Variants in NRXN1 observed in about 807,000 individuals in gnomAD.
NRXN1 encodes neurexin-1.
NRXN1 carries 39 observed loss-of-function variants against 150.9 expected under a neutral mutation model. The observed-to-expected ratio is 0.26, with a 90% CI of 0.20 to 0.34. The LOEUF (loss-of-function observed/expected upper bound fraction) is 0.34. NRXN1 is among the 10% of genes least tolerant of loss of function. The pLI is 1.00. For synonymous variants in NRXN1, 924 were observed against 757.0 expected, an observed-to-expected ratio of 1.22 and a Z score of -3.62; for missense variants, 1,815 against 1,949.9, an observed-to-expected ratio of 0.93 and a Z score of 1.30.
At chr2:50,270,327 C>T (rs1454124572) in intron 17 of NRXN1, among the ~76,000 whole-genome samples, 2 of 152,046 alleles carry the variant, frequency 1.3e-5, no homozygotes, top group African/African-American at 4.8e-5. Context: ...ACATATGAAA[C>T]TTTAATAATT....
At chr2:50,968,965 A>G (rs929061728) in intron 2 of NRXN1, among the ~76,000 whole-genome samples, 1 of 152,154 alleles carries the variant, frequency 6.6e-6, no homozygotes. Flanking sequence ...CTATTTGTCT[A>G]CTTCTACTGA....
At chr2:50,678,760 T>G (rs1049983290) in intron 5 of NRXN1, among the ~76,000 whole-genome samples, 2 of 152,072 alleles carry the variant, frequency 1.3e-5, no homozygotes, top group Non-Finnish European at 2.9e-5. Flanking sequence ...GGACTGTATA[T>G]GTATGAGATG....
chr2:51,010,809 T>C (rs62143020), intron 2 of NRXN1, among the ~76,000 whole-genome samples: 3 of 149,110 alleles, frequency 2.0e-5, no homozygotes, highest in African/African-American at 7.6e-5. Flanking sequence ...TTTTTTTTTT[T>C]GGTCTTGCTT....
At chr2:50,883,634 T>C (rs1679788777) in intron 5 of NRXN1, among the ~76,000 whole-genome samples, 1 of 151,806 alleles carries the variant, frequency 6.6e-6, no homozygotes, top group African/African-American at 2.4e-5. Flanking sequence ...TGGGACACTA[T>C]AGGACTTACA....
intron 8 of NRXN1, among the ~76,000 whole-genome samples, chr2:50,583,067 T>A (rs937112253): frequency 6.6e-6 from 1 of 152,076 alleles, no homozygotes; most frequent in Non-Finnish European, 1.5e-5. Flanking sequence ...TTTTTTCTTT[T>A]AGAGACAAGT....
intron 5 of NRXN1, among the ~76,000 whole-genome samples, chr2:50,663,564 G>C (rs780649279): frequency 6.6e-6 from 1 of 151,962 alleles, no homozygotes; most frequent in African/African-American, 2.4e-5. Flanking sequence ...ACACATGTTT[G>C]GCATTGTACT....
intron 5 of NRXN1, among the ~76,000 whole-genome samples, chr2:50,908,343 A>G (rs1282436258): frequency 7.0e-6 from 1 of 143,032 alleles, no homozygotes; most frequent in East Asian, 2.0e-4. Context: ...TGACAAAAAT[A>G]CATACACACA....
At position 50,236,930 on chromosome 2, in the gene NRXN1, G is replaced by C. The variant is rs759609207; in HGVS notation, c.3405C>G (p.Ile1135Met). 3 of 1,613,336 alleles carry C rather than the reference G, an allele frequency of 1.9e-6. No homozygotes were observed. The highest frequency in any genetic ancestry group is 2.5e-6 in the Non-Finnish European group (3 of 1,179,592). ...GGTCATTAGGAGGCCACTTATACGT[G>C]ATTTGTCCACCACCTTTGCTAAAGA... ...TYIFSKGGGQ[I>M]TYKWPPNDRP... The change falls in exon 18 of 23, where the codon ATC becomes ATG. Residue 1135 changes from isoleucine to methionine, a missense_variant. Physicochemically the swap from Ile to Met is conservative, Grantham distance 10. Coordinates refer to ENST00000401669, the MANE Select transcript of NRXN1 (RefSeq NM_001330078.2).
intron 18 of NRXN1, among the ~76,000 whole-genome samples, chr2:50,161,401 T>C (rs1271306905): frequency 6.6e-6 from 1 of 151,842 alleles, no homozygotes; most frequent in African/African-American, 2.4e-5. Context: ...AGCCCAGTAT[T>C]TCCAGCGACT....
intron 5 of NRXN1, among the ~76,000 whole-genome samples, chr2:50,722,675 T>C (rs1331375973): frequency 6.6e-6 from 1 of 152,192 alleles, no homozygotes; most frequent in Non-Finnish European, 1.5e-5. Context: ...GTATAGTGAA[T>C]ATGCTTTTCT....
intron 19 of NRXN1, among the ~76,000 whole-genome samples, chr2:50,059,404 T>C (rs973056400): frequency 1.3e-5 from 2 of 152,186 alleles, no homozygotes; most frequent in Non-Finnish European, 2.9e-5. Flanking sequence ...TTTATAAAGA[T>C]ACAGTTTGGA....
intron 18 of NRXN1, among the ~76,000 whole-genome samples, chr2:50,114,645 G>A (rs1702792504): frequency 6.6e-6 from 1 of 151,702 alleles, no homozygotes; most frequent in Non-Finnish European, 1.5e-5. Flanking sequence ...ATAAACTGTG[G>A]TACATCCAAG....
chr2:49,956,229 T>C (rs772504505), intron 21 of NRXN1, among the ~76,000 whole-genome samples: 5 of 152,106 alleles, frequency 3.3e-5, no homozygotes, highest in Non-Finnish European at 5.9e-5. Flanking sequence ...TACCCCATCA[T>C]GCTAGACAAA....
chr2:50,071,837 C>G (rs183209213), intron 19 of NRXN1, among the ~76,000 whole-genome samples: 1 of 152,276 alleles, frequency 6.6e-6, no homozygotes, highest in Non-Finnish European at 1.5e-5. Context: ...CATGGATTTG[C>G]ACACAGAATA....
chr2:50,379,656 T>G (rs1301580312), intron 17 of NRXN1, among the ~76,000 whole-genome samples: 1 of 152,080 alleles, frequency 6.6e-6, no homozygotes, highest in East Asian at 1.9e-4. Flanking sequence ...GCTTTTCTGA[T>G]TAAGGCAATA....
At chr2:50,369,291 T>C (rs995190968) in intron 17 of NRXN1, among the ~76,000 whole-genome samples, 4 of 152,054 alleles carry the variant, frequency 2.6e-5, no homozygotes, top group Non-Finnish European at 4.4e-5. Flanking sequence ...ATGTGTATTA[T>C]ATATAGCCTA....
chr2:50,965,967 C>G (rs17572910), intron 2 of NRXN1, among the ~76,000 whole-genome samples: 83 of 151,198 alleles, frequency 5.5e-4, no homozygotes, highest in African/African-American at 1.9e-3. Context: ...GTTATGTTGC[C>G]TTCTCTCACC....
intron 12 of NRXN1, among the ~76,000 whole-genome samples, chr2:50,519,408 T>A (rs1238546517): frequency 6.6e-6 from 1 of 151,984 alleles, no homozygotes; most frequent in African/African-American, 2.4e-5. Flanking sequence ...TTCTTTGAAG[T>A]TATCTTTGGG....
intron 8 of NRXN1, among the ~76,000 whole-genome samples, chr2:50,566,987 G>A (rs1255061793): frequency 6.6e-6 from 1 of 151,912 alleles, no homozygotes; most frequent in Non-Finnish European, 1.5e-5. Flanking sequence ...TAACACTGCT[G>A]GTAAAAAATA....
Sources: allele counts gnomAD v4.1 joint callset (sites outside exome capture counted in the v4.1 genomes callset), GRCh38; gene constraint gnomAD v4.1.1; transcripts MANE v1.5; gene names NCBI Gene and HGNC (gene_info 2026-07-23, HGNC 2026-07-21).